OXR1: variants seen among roughly 807,000 people sequenced by gnomAD.
The protein encoded by OXR1 is oxidation resistance protein 1.
A neutral mutation model predicts 104.6 loss-of-function variants in OXR1; 41 were observed. The observed-to-expected ratio is 0.39, with a 90% CI of 0.31 to 0.51. The LOEUF is 0.51. Ranked by LOEUF, OXR1 falls within the 20% of genes least tolerant of loss-of-function variation. The pLI is 0.77. For missense variants in OXR1, 955 were observed against 1,031.9 expected, an observed-to-expected ratio of 0.93 and a Z score of 1.02; for synonymous variants, 348 against 348.4, an observed-to-expected ratio of 1.00 and a Z score of 0.01.
intron 2 of OXR1, among the ~76,000 whole-genome samples, chr8:106,396,226 G>T (rs1368640190): frequency 6.6e-6 from 1 of 152,062 alleles, no homozygotes; most frequent in Non-Finnish European, 1.5e-5. Flanking sequence ...TGGAAAGTGG[G>T]TCATATTTAG....
chr8:106,329,015 A>C (rs1045534722), intron 1 of OXR1, among the ~76,000 whole-genome samples: 5 of 131,010 alleles, frequency 3.8e-5, no homozygotes, highest in Non-Finnish European at 1.5e-5. Flanking sequence ...TTTTTTTCTG[A>C]GTTGGAGTCT....
intron 1 of OXR1, among the ~76,000 whole-genome samples, chr8:106,349,609 A>G (rs986683606): frequency 1.1e-4 from 16 of 152,340 alleles, no homozygotes; most frequent in Admixed American, 2.6e-4. Flanking sequence ...TTTGAAAATT[A>G]TCTCCTGAGA....
At chr8:106,355,732 G>GA (rs1051314451) in intron 1 of OXR1, among the ~76,000 whole-genome samples, 3 of 151,490 alleles carry the variant, frequency 2.0e-5, no homozygotes, top group African/African-American at 4.8e-5. Context: ...GGTGTCATCA[G>GA]AAAAAATGCA....
chr8:106,610,240 G>T (rs1011786003), intron 3 of OXR1, among the ~76,000 whole-genome samples: 9 of 151,758 alleles, frequency 5.9e-5, no homozygotes, highest in Admixed American at 2.6e-4. Flanking sequence ...ATTCAACCCT[G>T]CAAATTCTCA....
chr8:106,416,323 T>C (rs1190072519), intron 2 of OXR1, among the ~76,000 whole-genome samples: 1 of 152,054 alleles, frequency 6.6e-6, no homozygotes, highest in African/African-American at 2.4e-5. Flanking sequence ...TACAAACAGA[T>C]TTCTATATTG....
At chr8:106,405,921 C>T (rs1818220187) in intron 2 of OXR1, among the ~76,000 whole-genome samples, 1 of 152,188 alleles carries the variant, frequency 6.6e-6, no homozygotes, top group African/African-American at 2.4e-5. Flanking sequence ...ATAACTGATA[C>T]ACCAAAGGAG....
chr8:106,445,912 A>G lies in OXR1; in HGVS notation c.24-73031A>G, dbSNP rs373379049. Among the ~76,000 whole-genome samples the G allele has an allele frequency of 6.6e-5, 10 of 152,298 alleles. No homozygotes were observed. The East Asian group carries it at 9.7e-4, about 15-fold the overall frequency. On this transcript the variant is annotated intron_variant, in intron 2 of 16. Transcript: ENST00000517566. ...CTTTCTTAAAAACAAGTTGACTTTA[A>G]TTTCGCCTGGGTTGGACATGCTGAT...
chr8:106,604,729 G>A (rs1283067790), intron 3 of OXR1: 2 of 152,208 alleles, frequency 1.3e-5, no homozygotes, highest in African/African-American at 4.8e-5. Flanking sequence ...TAACATGGAA[G>A]AAGCCTATCT....
intron 2 of OXR1, among the ~76,000 whole-genome samples, chr8:106,363,578 A>G (rs1816338384): frequency 6.7e-6 from 1 of 149,978 alleles, no homozygotes; most frequent in Non-Finnish European, 1.5e-5. Flanking sequence ...TTGCAAAATT[A>G]GACTCAAAAC....
chr8:106,292,410 G>T (rs192498745), intron 1 of OXR1, among the ~76,000 whole-genome samples: 4 of 152,124 alleles, frequency 2.6e-5, no homozygotes, highest in Non-Finnish European at 2.9e-5. Context: ...TAGTTTTGTG[G>T]TTGCACCTCA....
chr8:106,507,884 C>T (rs530734886), intron 2 of OXR1, among the ~76,000 whole-genome samples: 1 of 152,188 alleles, frequency 6.6e-6, no homozygotes, highest in South Asian at 2.1e-4. Flanking sequence ...GCTTTTCTTT[C>T]ATTCTCCCTG....
chr8:106,374,093 A>G (rs142287854), intron 2 of OXR1, among the ~76,000 whole-genome samples: 2 of 152,316 alleles, frequency 1.3e-5, no homozygotes, highest in Non-Finnish European at 2.9e-5. Flanking sequence ...AACATTACAT[A>G]ATTGCCTAGA....
chr8:106,697,795 C>T, intron 7 of OXR1: 1 of 1,612,492 alleles, frequency 6.2e-7, no homozygotes, highest in East Asian at 2.2e-5. Flanking sequence ...TGGGACCTGC[C>T]CCTTGGGGTA....
intron 3 of OXR1, among the ~76,000 whole-genome samples, chr8:106,564,602 A>G (rs1039303377): frequency 6.6e-6 from 1 of 152,206 alleles, no homozygotes; most frequent in Admixed American, 6.5e-5. Context: ...CAAACAATAG[A>G]AAAAGAGGGA....
intron 2 of OXR1, among the ~76,000 whole-genome samples, chr8:106,369,351 T>C (rs1013878114): frequency 1.3e-5 from 2 of 152,204 alleles, no homozygotes; most frequent in Non-Finnish European, 2.9e-5. Flanking sequence ...GTGGGTTACC[T>C]GTTCACTTTG....
Position 106,510,938 on chromosome 8 carries a change from T to C in OXR1, c.24-8005T>C, listed in dbSNP as rs183059900. ...TTCTGTTGAAGCATTTTTGCTTTGG[T>C]TTGGAATTGCAAAAGTAGATTGAGT... On this transcript the variant is annotated intron_variant, in intron 2 of 16. Transcript: ENST00000517566. Among the ~76,000 whole-genome samples, 612 of 152,322 alleles carry C rather than the reference T, an allele frequency of 4.0e-3. 1 individual carries two copies. The highest frequency in any genetic ancestry group is 5.3e-3 in the Non-Finnish European group (358 of 68,020).
At chr8:106,509,623 G>A (rs1358775448) in intron 2 of OXR1, among the ~76,000 whole-genome samples, 2 of 152,056 alleles carry the variant, frequency 1.3e-5, no homozygotes, top group African/African-American at 4.8e-5. Context: ...GAAAATTTTT[G>A]CATGATGATA....
intron 1 of OXR1, among the ~76,000 whole-genome samples, chr8:106,345,027 G>C (rs1442975191): frequency 1.3e-5 from 2 of 152,138 alleles, no homozygotes. Context: ...GCACTTAAAA[G>C]AACATTTGCC....
chr8:106,289,497 TG>T (rs1229394594), intron 1 of OXR1, among the ~76,000 whole-genome samples: 1 of 152,180 alleles, frequency 6.6e-6, no homozygotes, highest in Non-Finnish European at 1.5e-5. Flanking sequence ...AAAACACTGC[TG>T]GAAGAAATCA....
Sources: allele counts gnomAD v4.1 joint callset (sites outside exome capture counted in the v4.1 genomes callset), GRCh38; gene constraint gnomAD v4.1.1; transcripts MANE v1.5; gene names NCBI Gene and HGNC (gene_info 2026-07-23, HGNC 2026-07-21).